NAALADL2: variants seen among roughly 807,000 people sequenced by gnomAD.
The protein encoded by NAALADL2 is inactive N-acetylated-alpha-linked acidic dipeptidase-like protein 2.
NAALADL2 carries 76 observed loss-of-function variants against 87.2 expected under a neutral mutation model. The ratio of observed to expected loss-of-function variants is 0.87; its 90% CI spans 0.72 to 1.05. The LOEUF is 1.05. Among genes scored for constraint, NAALADL2 ranks in the 50% least tolerant of loss-of-function variants. NAALADL2 has a pLI of 0.00. For missense variants in NAALADL2, 1,089 were observed against 945.8 expected, an observed-to-expected ratio of 1.15 and a Z score of -1.99; for synonymous variants, 354 against 331.0, an observed-to-expected ratio of 1.07 and a Z score of -0.75.
intron 11 of NAALADL2, among the ~76,000 whole-genome samples, chr3:175,666,452 G>A (rs115850738): frequency 0.024 from 3,664 of 152,146 alleles, 146 homozygotes; most frequent in African/African-American, 0.084. Flanking sequence ...TAGAGACAAT[G>A]TTTTCCAAAA....
At chr3:175,563,046 G>A (rs1560763295) in intron 9 of NAALADL2, among the ~76,000 whole-genome samples, 1 of 151,684 alleles carries the variant, frequency 6.6e-6, no homozygotes, top group African/African-American at 2.4e-5. Context: ...CTTTACACTA[G>A]ATGAGTGCTT....
At chr3:175,124,587 G>T (rs1204451584) in intron 2 of NAALADL2, 2 of 151,966 alleles carry the variant, frequency 1.3e-5, no homozygotes, top group Admixed American at 6.6e-5. Flanking sequence ...GCCTTCCCTA[G>T]CTGCAAGGGA....
intron 2 of NAALADL2, among the ~76,000 whole-genome samples, chr3:175,139,731 T>G (rs1044303977): frequency 2.4e-4 from 36 of 152,282 alleles, no homozygotes; most frequent in African/African-American, 8.2e-4. Flanking sequence ...CTTCTTATAT[T>G]TGAAGATTGC....
chr3:175,050,873 T>C (rs1056305426), intron 1 of NAALADL2, among the ~76,000 whole-genome samples: 2 of 152,166 alleles, frequency 1.3e-5, no homozygotes, highest in African/African-American at 4.8e-5. Context: ...GTGAGTTGTG[T>C]TGACAAAATG....
At position 175,095,204 on chromosome 3, in the gene NAALADL2, C is replaced by T. The variant is rs147947852; in HGVS notation, c.44-1586C>T. Among the ~76,000 whole-genome samples the T allele has an allele frequency of 2.4e-3, 371 of 152,114 alleles. 1 individual carries two copies. Among genetic ancestry groups the T allele is most frequent in the Middle Eastern group, 3.4e-3 (1 of 294 alleles). Reference sequence around the variant, plus strand: ...CCCCTTCCTGGGTATCCTCCTCTCACACCCTCCTCTCTTGCAAAAGCAACT... The same window carrying T: ...CCCCTTCCTGGGTATCCTCCTCTCATACCCTCCTCTCTTGCAAAAGCAACT... On this transcript the variant is annotated intron_variant, in intron 1 of 13. Transcript: ENST00000454872.
chr3:175,778,929 G>A (rs1421276050), intron 13 of NAALADL2, among the ~76,000 whole-genome samples: 1 of 152,116 alleles, frequency 6.6e-6, no homozygotes, highest in Non-Finnish European at 1.5e-5. Context: ...GTTTTATTTA[G>A]TAATTTTTAC....
chr3:175,574,355 A>G (rs962379232), intron 9 of NAALADL2, among the ~76,000 whole-genome samples: 3 of 152,144 alleles, frequency 2.0e-5, no homozygotes, highest in African/African-American at 4.8e-5. Flanking sequence ...TCAGTTCTCA[A>G]TCAGGCCTGT....
At chr3:174,676,861 G>A (rs1727086490) in intron 2 of NAALADL2, among the ~76,000 whole-genome samples, 1 of 151,694 alleles carries the variant, frequency 6.6e-6, no homozygotes, top group African/African-American at 2.4e-5. Flanking sequence ...TAGTGAATAA[G>A]GAAACATATT....
chr3:175,702,706 C>A (rs1357511347), intron 11 of NAALADL2, among the ~76,000 whole-genome samples: 1 of 152,110 alleles, frequency 6.6e-6, no homozygotes, highest in Non-Finnish European at 1.5e-5. Context: ...AAGAATAAAA[C>A]TTTTCTTCCA....
chr3:174,748,316 A>G (rs1005939861), intron 3 of NAALADL2, among the ~76,000 whole-genome samples: 1 of 140,770 alleles, frequency 7.1e-6, no homozygotes, highest in Non-Finnish European at 1.5e-5. Context: ...AGAACTTAAA[A>G]ATAAATTACA....
intron 7 of NAALADL2, among the ~76,000 whole-genome samples, chr3:175,464,251 T>C (rs1723632842): frequency 6.6e-6 from 1 of 152,074 alleles, no homozygotes; most frequent in Non-Finnish European, 1.5e-5. Context: ...ATTGCCAAAT[T>C]TGTCAAATGT....
intron 2 of NAALADL2, among the ~76,000 whole-genome samples, chr3:174,579,113 C>T (rs1419993794): frequency 6.6e-6 from 1 of 151,816 alleles, no homozygotes; most frequent in Non-Finnish European, 1.5e-5. Flanking sequence ...GGTTGTTGAT[C>T]GAAGGATAAC....
intron 10 of NAALADL2, among the ~76,000 whole-genome samples, chr3:175,585,144 ATTAT>A (rs1379430614): frequency 6.6e-6 from 1 of 151,654 alleles, no homozygotes; most frequent in African/African-American, 2.4e-5. Context: ...ATTTTTATAA[ATTAT>A]TTATTTATTT....
chr3:174,544,777 G>A (rs987998987), intron 1 of NAALADL2, among the ~76,000 whole-genome samples: 5 of 151,510 alleles, frequency 3.3e-5, no homozygotes, highest in African/African-American at 9.7e-5. Context: ...CACCGTGTTG[G>A]CCAGGAGAGT....
chr3:174,659,773 G>A (rs996410454), intron 2 of NAALADL2, among the ~76,000 whole-genome samples: 4 of 152,100 alleles, frequency 2.6e-5, no homozygotes, highest in African/African-American at 9.7e-5. Flanking sequence ...CCATGGTCAC[G>A]TCTCCTGTCA....
At chr3:174,795,160 A>AT (rs201870700) in intron 3 of NAALADL2, among the ~76,000 whole-genome samples, 238 of 149,186 alleles carry the variant, frequency 1.6e-3, no homozygotes, top group Non-Finnish European at 2.4e-3. Flanking sequence ...CCTGGCTAGT[A>AT]TTTTTTTTGT....
At chr3:175,671,501 A>T (rs1158145066) in intron 11 of NAALADL2, among the ~76,000 whole-genome samples, 1 of 151,978 alleles carries the variant, frequency 6.6e-6, no homozygotes, top group African/African-American at 2.4e-5. Flanking sequence ...TTATATGTTG[A>T]GAAAATGAAG....
At chr3:174,821,349 T>C (rs1191470799) in intron 3 of NAALADL2, among the ~76,000 whole-genome samples, 1 of 152,056 alleles carries the variant, frequency 6.6e-6, no homozygotes, top group Non-Finnish European at 1.5e-5. Flanking sequence ...AAAAAAAATG[T>C]GTAAGTCACC....
intron 4 of NAALADL2, among the ~76,000 whole-genome samples, chr3:175,320,030 A>G (rs1759645203): frequency 6.6e-6 from 1 of 152,218 alleles, no homozygotes; most frequent in South Asian, 2.1e-4. Context: ...GGAGTGAAGT[A>G]TGGTTGTTAA....
Sources: gnomAD v4.1 joint callset for allele counts (sites outside exome capture counted in the v4.1 genomes callset) on GRCh38, gnomAD v4.1.1 for gene constraint, MANE v1.5 for transcripts, NCBI Gene and HGNC (gene_info 2026-07-23, HGNC 2026-07-21) for gene names.